Variants in ADRA1A observed in about 807,000 individuals in gnomAD.
ADRA1A encodes adrenoceptor alpha 1A.
In ADRA1A, 31 loss-of-function variants were observed where a neutral mutation model predicts 29.6. That is an observed-to-expected ratio of 1.05 (90% CI 0.79 to 1.41). The LOEUF (loss-of-function observed/expected upper bound fraction) is 1.41. Among genes scored for constraint, ADRA1A ranks in the 40% most tolerant of loss-of-function variants. The probability of loss-of-function intolerance (pLI) is 0.00; values close to 1 mark genes in which losing one functional copy is unlikely to be tolerated. For missense variants in ADRA1A, 619 were observed against 601.1 expected, an observed-to-expected ratio of 1.03 and a Z score of -0.31; for synonymous variants, 311 against 254.3, an observed-to-expected ratio of 1.22 and a Z score of -2.12.
chr8:26,833,709 T>C (rs147150084), intron 2 of ADRA1A, among the ~76,000 whole-genome samples: 1 of 152,378 alleles, frequency 6.6e-6, no homozygotes, highest in East Asian at 1.9e-4. Flanking sequence ...CTTGCATATT[T>C]TCCTCAAGAC....
downstream of ADRA1A, chr8:26,756,340 C>G: frequency 4.6e-6 from 4 of 872,918 alleles, no homozygotes; most frequent in Non-Finnish European, 6.2e-6. Context: ...CATAAAAGTT[C>G]CCCTTTTAAA....
intron 2 of ADRA1A, among the ~76,000 whole-genome samples, chr8:26,785,211 A>G (rs1369823086): frequency 2.6e-5 from 4 of 152,232 alleles, no homozygotes; most frequent in Non-Finnish European, 5.9e-5. Context: ...TGGATATATT[A>G]TTGGACATGA....
chr8:26,757,445 A>G (rs539420934), intron 2 of ADRA1A, among the ~76,000 whole-genome samples: 12 of 151,882 alleles, frequency 7.9e-5, no homozygotes, highest in African/African-American at 2.9e-4. Flanking sequence ...TAGAACTAAG[A>G]TTGTGACCTG....
chr8:26,856,597 C>T (rs1038759846), intron 2 of ADRA1A, among the ~76,000 whole-genome samples: 3 of 152,150 alleles, frequency 2.0e-5, no homozygotes, highest in African/African-American at 7.2e-5. Flanking sequence ...TTCGCACGTT[C>T]TCTTCCCTCC....
rs56183466 is a variant in ADRA1A, at chr8:26,865,755, G to C, written c.-686-100C>G. 1.0e-4 allele frequency: 100 copies of C among 979,350 alleles called. No homozygotes were observed. In the African/African-American group the frequency reaches 1.6e-3, roughly 15 times the overall value. The allele number at this position is 979,350 out of a possible 1,614,324, so 60.7% of individuals were successfully genotyped here. On this transcript the variant is annotated intron_variant, in intron 1 of 2. Coordinates refer to ENST00000380573, the MANE Select transcript of ADRA1A (RefSeq NM_000680.4). The surrounding 1 kb of genome is among the most constrained non-coding windows in gnomAD (Gnocchi z 7.6). ...TTGGGGGACACCAGTTGGGAGCCGGGTTGGTTCTGCGGTCCAGAAGCTGCT... is the reference window on the plus strand; with the variant it reads ...TTGGGGGACACCAGTTGGGAGCCGGCTTGGTTCTGCGGTCCAGAAGCTGCT...
chr8:26,796,189 T>G lies in ADRA1A; in HGVS notation c.884-25523A>C, dbSNP rs6557950. Among the ~76,000 whole-genome samples, 1 of 151,920 alleles carries G rather than the reference T, an allele frequency of 6.6e-6. No individual in the cohort carries two copies. Among genetic ancestry groups the G allele is most frequent in the Non-Finnish European group, 1.5e-5 (1 of 67,946 alleles). ...AATCTGAATAAAATAAAACTGCCTA[T>G]GAATTAGTTTACAATTATTAAAATT... On this transcript the variant is annotated intron_variant, in intron 2 of 2. Transcript: ENST00000380573. The surrounding 1 kb of genome is among the most constrained non-coding windows in gnomAD (Gnocchi z 5.0).
downstream of ADRA1A, among the ~76,000 whole-genome samples, chr8:26,755,126 T>C (rs568380582): frequency 4.6e-5 from 7 of 152,332 alleles, no homozygotes; most frequent in African/African-American, 1.7e-4. Flanking sequence ...ATTTGGTTAT[T>C]CTTAAGAATT....
intron 2 of ADRA1A, among the ~76,000 whole-genome samples, chr8:26,851,091 A>G (rs1055590561): frequency 6.6e-6 from 1 of 152,240 alleles, no homozygotes; most frequent in South Asian, 2.1e-4. Flanking sequence ...GACAATTGGT[A>G]AACTAAATTA....
rs553124177 is a variant in ADRA1A at position 26,805,002 on chromosome 8, C to T, written c.884-34336G>A. Among the ~76,000 whole-genome samples, 4 of 152,278 alleles carry T rather than the reference C, an allele frequency of 2.6e-5. No individual in the cohort carries two copies. Among genetic ancestry groups the T allele is most frequent in the South Asian group, 2.1e-4 (1 of 4,822 alleles). ...ATGCATACACACATACACACATGCT[C>T]GTATGCATGCACACACACAAACATA... On this transcript the variant is annotated intron_variant, in intron 2 of 2. Transcript: ENST00000380573. This position sits in a 1 kb window ranked among gnomAD's most constrained non-coding sequence, Gnocchi z 4.8.
Position 26,769,897 on chromosome 8 carries a change from G to C in ADRA1A, c.*252C>G. The C allele has an allele frequency of 8.1e-7, 1 of 1,240,454 alleles. No individual in the cohort carries two copies. Among genetic ancestry groups the C allele is most frequent in the African/African-American group, 1.5e-5 (1 of 65,702 alleles). 76.8% of individuals were successfully genotyped at this position (1,240,454 alleles called of 1,614,324 possible). ...GGTGGTTTTCGTTGAAGTGGGCACA[G>C]AGTGACCAAGAAAGCATTAGCTGCA... On this transcript the variant is annotated 3_prime_UTR_variant, in exon 3 of 3. Coordinates refer to ENST00000380573, the MANE Select transcript of ADRA1A (RefSeq NM_000680.4).
At chr8:26,832,232 C>T (rs1285012441) in intron 2 of ADRA1A, among the ~76,000 whole-genome samples, 1 of 152,212 alleles carries the variant, frequency 6.6e-6, no homozygotes, top group Non-Finnish European at 1.5e-5. Context: ...TGCTCTCCTG[C>T]CTTGCTGGTG....
At chr8:26,756,736 C>T (rs1378471082) in exon 3 of ADRA1A, 1 of 1,614,182 alleles carries the variant, frequency 6.2e-7, no homozygotes, top group Admixed American at 1.7e-5. Context: ...GTAAGGACAA[C>T]AGTCGTGGAC....
intron 2 of ADRA1A, among the ~76,000 whole-genome samples, chr8:26,863,165 G>A (rs1055797500): frequency 5.3e-5 from 8 of 152,138 alleles, no homozygotes; most frequent in Non-Finnish European, 1.5e-5. Flanking sequence ...GTGGATAATC[G>A]ATGTTTGGGT....
intron 2 of ADRA1A, among the ~76,000 whole-genome samples, chr8:26,847,820 C>A (rs1585826948): frequency 6.6e-6 from 1 of 152,200 alleles, no homozygotes; most frequent in African/African-American, 2.4e-5. Flanking sequence ...GCACAGAGAG[C>A]AACCTGTGCT....
At chr8:26,851,658 C>T (rs1269229976) in intron 2 of ADRA1A, among the ~76,000 whole-genome samples, 1 of 151,804 alleles carries the variant, frequency 6.6e-6, no homozygotes, top group African/African-American at 2.4e-5. Flanking sequence ...TGTGCATATC[C>T]AGGAAAAATA....
intron 2 of ADRA1A, among the ~76,000 whole-genome samples, chr8:26,851,661 G>A (rs1472166981): frequency 2.6e-5 from 4 of 152,082 alleles, no homozygotes; most frequent in Non-Finnish European, 5.9e-5. Context: ...GCATATCCAG[G>A]AAAAATAATT....
chr8:26,864,486 G>A lies in ADRA1A; in HGVS notation c.484C>T (p.Leu162=). The part of the protein sequence containing the change: ...ALSLVISIGP[L]FGWRQPAPED... ...GGGGCCGGCTGCCTCCAGCCGAACA[G>A]GGGTCCAATGGATATGACCAGGGAG... The change falls in exon 2 of 3, where the codon CTG becomes TTG. Residue 162 remains leucine (L), a synonymous_variant. Coordinates refer to ENST00000380573, the MANE Select transcript of ADRA1A (RefSeq NM_000680.4). The surrounding 1 kb of genome is among the most constrained non-coding windows in gnomAD (Gnocchi z 8.1). The A allele has an allele frequency of 1.9e-6, 3 of 1,613,892 alleles. No homozygotes were observed. The highest frequency in any genetic ancestry group is 2.5e-6 in the Non-Finnish European group (3 of 1,180,042).
At chr8:26,840,740 A>G (rs1341301917) in intron 2 of ADRA1A, among the ~76,000 whole-genome samples, 1 of 152,224 alleles carries the variant, frequency 6.6e-6, no homozygotes, top group Non-Finnish European at 1.5e-5. Flanking sequence ...CTAAATGGAG[A>G]AACCGCTTAA....
At chr8:26,783,204 A>G (rs568176581) in intron 2 of ADRA1A, among the ~76,000 whole-genome samples, 1 of 152,326 alleles carries the variant, frequency 6.6e-6, no homozygotes, top group African/African-American at 2.4e-5. Context: ...AAGATGAAGT[A>G]TGAGTTATAT....
Sources: allele counts gnomAD v4.1 joint callset (sites outside exome capture counted in the v4.1 genomes callset), GRCh38; gene constraint gnomAD v4.1.1; non-coding constraint Gnocchi (gnomAD v3.1); transcripts MANE v1.5; gene names NCBI Gene and HGNC (gene_info 2026-07-23, HGNC 2026-07-21).